Variants in FRMD4B observed in about 807,000 individuals in gnomAD.
The protein encoded by FRMD4B is FERM domain-containing protein 4B.
A neutral mutation model predicts 141.5 loss-of-function variants in FRMD4B; 74 were observed. That is an observed-to-expected ratio of 0.52 (90% confidence interval 0.43 to 0.63). The LOEUF (loss-of-function observed/expected upper bound fraction) is 0.63, where lower values mean the gene tolerates loss of function less well. FRMD4B is among the 30% of genes least tolerant of loss of function. FRMD4B has a pLI of 0.00. For synonymous variants in FRMD4B, 506 were observed against 467.9 expected, an observed-to-expected ratio of 1.08 and a Z score of -1.05; for missense variants, 1,366 against 1,253.4, an observed-to-expected ratio of 1.09 and a Z score of -1.36.
intron 1 of FRMD4B, among the ~76,000 whole-genome samples, chr3:69,343,154 A>G (rs973939583): frequency 1.3e-5 from 2 of 151,980 alleles, no homozygotes; most frequent in South Asian, 2.1e-4. Flanking sequence ...GGGTCTTGCT[A>G]TGTTGTCCAG....
intron 16 of FRMD4B, among the ~76,000 whole-genome samples, chr3:69,194,253 G>T (rs2092874908): frequency 1.3e-5 from 2 of 152,194 alleles, no homozygotes; most frequent in Non-Finnish European, 1.5e-5. Context: ...ATTCCTGGTT[G>T]CATGACCCTG....
chr3:69,540,660 TACACACACACAC>T (rs1161119924), intron 1 of FRMD4B, among the ~76,000 whole-genome samples: 74 of 56,836 alleles, frequency 1.3e-3, no homozygotes, highest in African/African-American at 5.9e-3. Context: ...TATATATATA[TACACACACACAC>T]ACACACACAC....
chr3:69,215,896 A>G (rs2093135313), intron 11 of FRMD4B, among the ~76,000 whole-genome samples: 1 of 151,664 alleles, frequency 6.6e-6, no homozygotes, highest in Non-Finnish European at 1.5e-5. Flanking sequence ...GCTCACGCCT[A>G]TAATCCCAGC....
intron 17 of FRMD4B, among the ~76,000 whole-genome samples, chr3:69,190,633 T>G (rs1213576334): frequency 6.6e-6 from 1 of 152,172 alleles, no homozygotes; most frequent in Non-Finnish European, 1.5e-5. Flanking sequence ...CAGGCTGGTC[T>G]TGAACTCCTG....
intron 1 of FRMD4B, among the ~76,000 whole-genome samples, chr3:69,436,518 T>G (rs367835198): frequency 6.6e-6 from 1 of 152,208 alleles, no homozygotes; most frequent in African/African-American, 2.4e-5. Flanking sequence ...GCAGCCACTA[T>G]GAAAAGCTGT....
At chr3:69,201,551 A>AC (rs55794425) in intron 11 of FRMD4B, among the ~76,000 whole-genome samples, 122,372 of 152,056 alleles carry the variant, frequency 0.8, 50,847 homozygotes, top group Non-Finnish European at 0.92. Flanking sequence ...AAGTATTATT[A>AC]CATTTTAATT....
intron 1 of FRMD4B, among the ~76,000 whole-genome samples, chr3:69,439,813 C>T (rs918642457): frequency 6.6e-6 from 1 of 152,194 alleles, no homozygotes; most frequent in African/African-American, 2.4e-5. Flanking sequence ...GATTTTTAAA[C>T]TTGCATTTCC....
chr3:69,300,734 T>G (rs1701187564), intron 4 of FRMD4B, among the ~76,000 whole-genome samples: 1 of 152,152 alleles, frequency 6.6e-6, no homozygotes, highest in South Asian at 2.1e-4. Flanking sequence ...ATTGGTTTTT[T>G]TTGTTTTTGT....
chr3:69,502,256 G>A (rs1706510949), intron 1 of FRMD4B, among the ~76,000 whole-genome samples: 1 of 152,156 alleles, frequency 6.6e-6, no homozygotes, highest in Non-Finnish European at 1.5e-5. Context: ...AAAGCTGGAG[G>A]CATCACACTA....
intron 1 of FRMD4B, among the ~76,000 whole-genome samples, chr3:69,528,228 C>T (rs943746333): frequency 6.6e-5 from 10 of 151,886 alleles, no homozygotes; most frequent in Non-Finnish European, 1.5e-4. Context: ...CTATGGGTTT[C>T]CTTCCCTCCC....
intron 11 of FRMD4B, among the ~76,000 whole-genome samples, chr3:69,215,790 T>C (rs764320828): frequency 6.6e-6 from 1 of 152,230 alleles, no homozygotes; most frequent in Non-Finnish European, 1.5e-5. Context: ...AATTCAAATA[T>C]GTATATGCAT....
chr3:69,196,414 A>G lies in FRMD4B; in HGVS notation c.1093-18T>C, dbSNP rs1386845536. The G allele has an allele frequency of 2.1e-5, 33 of 1,583,892 alleles. No individual in the cohort carries two copies. The highest frequency in any genetic ancestry group is 1.7e-4 in the Middle Eastern group (1 of 6,034). On this transcript the variant is annotated intron_variant, in intron 13 of 22. Coordinates refer to ENST00000398540, the MANE Select transcript of FRMD4B (RefSeq NM_015123.3). ...ATTTTTGCCTAAGAGGCATACAACA[A>G]TGAAACAGAATTAACTCAAACATAC...
intron 1 of FRMD4B, among the ~76,000 whole-genome samples, chr3:69,370,404 G>A (rs1703792543): frequency 6.6e-6 from 1 of 152,170 alleles, no homozygotes; most frequent in Admixed American, 6.5e-5. Context: ...GGCTGGGCAC[G>A]GGTGGGTACT....
intron 5 of FRMD4B, among the ~76,000 whole-genome samples, chr3:69,273,136 G>A (rs894630166): frequency 2.0e-5 from 3 of 152,166 alleles, no homozygotes; most frequent in Admixed American, 2.0e-4. Context: ...TGAATGGTTG[G>A]GATGGGAGCC....
intron 5 of FRMD4B, among the ~76,000 whole-genome samples, chr3:69,282,935 C>G (rs1489090885): frequency 6.6e-6 from 1 of 152,078 alleles, no homozygotes; most frequent in Non-Finnish European, 1.5e-5. Flanking sequence ...CCACACCCAG[C>G]CATCTGCATA....
At chr3:69,508,667 A>G (rs1339200435) in intron 1 of FRMD4B, among the ~76,000 whole-genome samples, 1 of 152,248 alleles carries the variant, frequency 6.6e-6, no homozygotes, top group Middle Eastern at 3.2e-3. Context: ...TAAGCAACCA[A>G]TGGGCCAAAG....
At chr3:69,313,211 G>A (rs1291578837) in intron 2 of FRMD4B, among the ~76,000 whole-genome samples, 1 of 152,202 alleles carries the variant, frequency 6.6e-6, no homozygotes. Context: ...GAACTCAAGT[G>A]TCTCTGAATC....
At chr3:69,208,920 C>T (rs940716569) in intron 11 of FRMD4B, among the ~76,000 whole-genome samples, 8 of 151,956 alleles carry the variant, frequency 5.3e-5, no homozygotes, top group Admixed American at 1.3e-4. Context: ...CTGAGGCAGG[C>T]GGATCAGGAG....
intron 4 of FRMD4B, among the ~76,000 whole-genome samples, chr3:69,301,637 C>T (rs143876827): frequency 4.4e-4 from 67 of 152,176 alleles, no homozygotes; most frequent in Non-Finnish European, 7.6e-4. Context: ...GCCGGTATTA[C>T]ATCTTATAAC....
Sources: gnomAD v4.1 joint callset for allele counts (sites outside exome capture counted in the v4.1 genomes callset) on GRCh38, gnomAD v4.1.1 for gene constraint, MANE v1.5 for transcripts, NCBI Gene and HGNC (gene_info 2026-07-23, HGNC 2026-07-21) for gene names.